Variants in OPCML observed in about 807,000 individuals in gnomAD.
OPCML encodes the protein opioid binding protein/cell adhesion molecule like.
In OPCML, 13 loss-of-function variants were observed where a neutral mutation model predicts 37.8. The ratio of observed to expected loss-of-function variants is 0.34; its 90% CI spans 0.22 to 0.55. OPCML has a LOEUF of 0.55. Among genes scored for constraint, OPCML ranks in the 20% least tolerant of loss-of-function variants. The probability of loss-of-function intolerance (pLI) is 0.91; values close to 1 mark genes in which losing one functional copy is unlikely to be tolerated. For synonymous variants in OPCML, 176 were observed against 168.8 expected, an observed-to-expected ratio of 1.04 and a Z score of -0.33; for missense variants, 341 against 435.6, an observed-to-expected ratio of 0.78 and a Z score of 1.93.
Position 132,499,694 on chromosome 11 carries a change from T to C in OPCML, c.505+29367A>G, listed in dbSNP as rs1490809799. The stretch of plus-strand genomic sequence containing the variant: ...CTCTCTATGCCTCAGCATCCTTAAC[T>C]GGAAAACAGAGATGTGCATTAGAAC... On this transcript the variant is annotated intron_variant, in intron 4 of 7. Coordinates refer to ENST00000524381, the MANE Select transcript of OPCML (RefSeq NM_001012393.5). Among the ~76,000 whole-genome samples, 4 of 152,150 alleles carry C rather than the reference T, an allele frequency of 2.6e-5. No individual in the cohort carries two copies. The East Asian group carries it at 5.8e-4, about 22-fold the overall frequency.
Position 133,234,260 on chromosome 11 carries a change from C to CA in OPCML, c.62-291251dup, listed in dbSNP as rs149031672. The stretch of plus-strand genomic sequence containing the variant: ...AAAAAGCAAAACCAAACAACAACAA[C>CA]AACAAAAAAAAAACACAGTTTTTAC... On this transcript the variant is annotated intron_variant, in intron 1 of 7. Transcript: ENST00000524381. 9.6e-4 allele frequency among the ~76,000 whole-genome samples: 144 copies of CA among 150,020 alleles called. No homozygotes were observed. The East Asian group carries it at 0.012, about 12-fold the overall frequency.
chr11:132,930,881 G>A (rs916068759), intron 2 of OPCML, among the ~76,000 whole-genome samples: 5 of 152,214 alleles, frequency 3.3e-5, no homozygotes, highest in African/African-American at 9.6e-5. Context: ...TATAAACAAA[G>A]TTAGTGGTCT....
chr11:132,713,318 T>C (rs1468295982), intron 2 of OPCML, among the ~76,000 whole-genome samples: 1 of 152,156 alleles, frequency 6.6e-6, no homozygotes, highest in African/African-American at 2.4e-5. Flanking sequence ...TGCCGTAAAT[T>C]CCAATTACCT....
chr11:133,384,003 G>T (rs989269200), intron 1 of OPCML, among the ~76,000 whole-genome samples: 2 of 152,092 alleles, frequency 1.3e-5, no homozygotes, highest in Non-Finnish European at 2.9e-5. Context: ...CCCCAGGAGA[G>T]TGTCACTTCC....
chr11:133,183,744 A>C (rs1280973191), intron 1 of OPCML, among the ~76,000 whole-genome samples: 1 of 152,210 alleles, frequency 6.6e-6, no homozygotes, highest in Non-Finnish European at 1.5e-5. Flanking sequence ...AAACATTCAA[A>C]ATACATGAAT....
intron 1 of OPCML, among the ~76,000 whole-genome samples, chr11:133,168,772 C>G (rs1950248713): frequency 6.6e-6 from 1 of 152,168 alleles, no homozygotes; most frequent in Non-Finnish European, 1.5e-5. Flanking sequence ...CGATATTTTT[C>G]TAGGAATTAT....
At chr11:133,103,904 C>T (rs1949121360) in intron 1 of OPCML, among the ~76,000 whole-genome samples, 1 of 152,212 alleles carries the variant, frequency 6.6e-6, no homozygotes. Context: ...TTACCTCCAG[C>T]TTATTTGTCT....
In OPCML at chr11:132,577,783, T is replaced by G. The variant is rs141813099; in HGVS notation, c.380-48597A>C. On this transcript the variant is annotated intron_variant, in intron 3 of 7. Transcript: ENST00000524381. ...TCTTATTAGCTGCTCAGTAACCCTG[T>G]CTACAATCAACCCATGATTTAGATC... Among the ~76,000 whole-genome samples, 56 of 152,310 alleles carry G rather than the reference T, an allele frequency of 3.7e-4. No individual in the cohort carries two copies. The East Asian group carries it at 0.011, about 29-fold the overall frequency.
intron 4 of OPCML, among the ~76,000 whole-genome samples, chr11:132,456,390 G>A (rs1348810252): frequency 6.6e-6 from 1 of 152,166 alleles, no homozygotes; most frequent in Admixed American, 6.5e-5. Context: ...GTCACACCGG[G>A]CAGGAAATTT....
At chr11:132,962,166 T>C (rs991825070) in intron 1 of OPCML, among the ~76,000 whole-genome samples, 3 of 152,248 alleles carry the variant, frequency 2.0e-5, no homozygotes, top group Non-Finnish European at 4.4e-5. Context: ...ATTTTCATCC[T>C]GGCGTTTGTT....
intron 2 of OPCML, among the ~76,000 whole-genome samples, chr11:132,694,173 CA>C (rs1329773622): frequency 5.7e-5 from 6 of 104,412 alleles, no homozygotes; most frequent in Admixed American, 3.2e-4. Context: ...TCTGTGAAAT[CA>C]ATGTCTTTTT....
intron 1 of OPCML, among the ~76,000 whole-genome samples, chr11:133,436,341 T>C (rs1222779881): frequency 6.6e-6 from 1 of 152,210 alleles, no homozygotes; most frequent in Non-Finnish European, 1.5e-5. Context: ...AGATGGAATA[T>C]AGTGAGGCAA....
intron 2 of OPCML, among the ~76,000 whole-genome samples, chr11:132,924,596 T>G (rs1046349025): frequency 6.6e-6 from 1 of 152,256 alleles, no homozygotes. Context: ...GCTTGGTTTC[T>G]AAAGAGAAAT....
chr11:133,061,722 G>T (rs1278015363), intron 1 of OPCML, among the ~76,000 whole-genome samples: 1 of 152,118 alleles, frequency 6.6e-6, no homozygotes, highest in Admixed American at 6.5e-5. Context: ...TCCTTAGCTG[G>T]AAGGGAGAAG....
chr11:132,420,040 G>T lies in OPCML; in HGVS notation c.*153C>A. The T allele has an allele frequency of 4.0e-6, 1 of 251,994 alleles. No individual in the cohort carries two copies. Among genetic ancestry groups the T allele is most frequent in the Non-Finnish European group, 7.6e-6 (1 of 130,852 alleles). The allele number at this position is 251,994 out of a possible 1,614,324, so 15.6% of individuals were successfully genotyped here. A position where few individuals can be genotyped will look rare whatever the true frequency, so the allele number is the denominator to read the frequency against. ...CCACTCATTCAAGCTGGAAATAAAA[G>T]CAAACAAACAAATAAACAAAAACAA... On this transcript the variant is annotated 3_prime_UTR_variant, in exon 8 of 8. Coordinates refer to ENST00000524381, the MANE Select transcript of OPCML (RefSeq NM_001012393.5).
At chr11:132,671,652 T>C (rs1276502371) in intron 2 of OPCML, among the ~76,000 whole-genome samples, 2 of 152,126 alleles carry the variant, frequency 1.3e-5, no homozygotes, top group Admixed American at 6.6e-5. Context: ...GGCAAGACAC[T>C]AAGAAAGACT....
chr11:132,818,270 T>G (rs1323684147), intron 2 of OPCML, among the ~76,000 whole-genome samples: 1 of 152,208 alleles, frequency 6.6e-6, no homozygotes, highest in Non-Finnish European at 1.5e-5. Context: ...TTTTTTATTC[T>G]ATTTTCTTCT....
At chr11:132,941,369 G>A (rs544253179) in intron 2 of OPCML, among the ~76,000 whole-genome samples, 4 of 152,302 alleles carry the variant, frequency 2.6e-5, no homozygotes, top group Non-Finnish European at 5.9e-5. Context: ...TTCAATGCTA[G>A]ACCTCTTTGC....
chr11:132,793,447 G>A (rs1382046866), intron 2 of OPCML, among the ~76,000 whole-genome samples: 8 of 152,118 alleles, frequency 5.3e-5, no homozygotes, highest in Non-Finnish European at 1.2e-4. Context: ...ACCTCTTAAG[G>A]CCTCTGATTC....
Sources: allele counts gnomAD v4.1 joint callset (sites outside exome capture counted in the v4.1 genomes callset), GRCh38; gene constraint gnomAD v4.1.1; transcripts MANE v1.5; gene names NCBI Gene and HGNC (gene_info 2026-07-23, HGNC 2026-07-21).